Variants in SEMA5A observed in about 807,000 individuals in gnomAD.
SEMA5A encodes semaphorin-5A.
Under a neutral mutation model 135.5 loss-of-function variants are expected in SEMA5A, and 55 were observed. The ratio of observed to expected loss-of-function variants is 0.41; its 90% CI spans 0.33 to 0.51. The LOEUF (loss-of-function observed/expected upper bound fraction) is 0.51, where lower values mean the gene tolerates loss of function less well. Ranked by LOEUF, SEMA5A falls within the 20% of genes least tolerant of loss-of-function variation. The pLI is 0.37. For missense variants in SEMA5A, 1,290 were observed against 1,419.9 expected (o/e 0.91, Z 1.47); for synonymous variants, 580 against 546.5 (o/e 1.06, Z -0.85).
intron 4 of SEMA5A, among the ~76,000 whole-genome samples, chr5:9,326,148 T>C (rs1752862249): frequency 6.6e-6 from 1 of 152,194 alleles, no homozygotes; most frequent in South Asian, 2.1e-4. Flanking sequence ...GCAAGTTTCC[T>C]TCCATCCTCA....
rs1805932 is a variant in SEMA5A at position 9,380,682 on chromosome 5, T to C, written c.-77-659A>G. Among the ~76,000 whole-genome samples, 439 of 152,320 alleles carry C rather than the reference T, an allele frequency of 2.9e-3. 3 individuals carry two copies. Among genetic ancestry groups the C allele is most frequent in the African/African-American group, 1.0e-2 (414 of 41,566 alleles). On this transcript the variant is annotated intron_variant, in intron 2 of 22. Coordinates refer to ENST00000382496, the MANE Select transcript of SEMA5A (RefSeq NM_003966.3). ...CCTACTGGGTGAAATAAAAGTACTA[T>C]GCTTGGAAACTTTAAAGATTATGAA...
Position 9,134,414 on chromosome 5 carries a change from C to T in SEMA5A, c.1599+2090G>A, listed in dbSNP as rs150197613. 2.3e-3 allele frequency among the ~76,000 whole-genome samples: 348 copies of T among 152,312 alleles called. 3 individuals are homozygous for T. Among genetic ancestry groups the T allele is most frequent in the African/African-American group, 8.0e-3 (332 of 41,572 alleles). The stretch of plus-strand genomic sequence containing the variant: ...CCTCCTGTCTCAGCCTCCTAAAGTG[C>T]TGGGTTTACAGGCATGAGCCACTGT... On this transcript the variant is annotated intron_variant, in intron 13 of 22. Coordinates refer to ENST00000382496, the MANE Select transcript of SEMA5A (RefSeq NM_003966.3).
rs1462719013 is a variant in SEMA5A, at chr5:9,037,356, A to T, written c.*5541T>A. On this transcript the variant is annotated 3_prime_UTR_variant, in exon 23 of 23. Coordinates refer to ENST00000382496, the MANE Select transcript of SEMA5A (RefSeq NM_003966.3). ...GCTGTGTTTTGAGACAGCTTTCACT[A>T]GGAAGTATACATTTTGTGCCAGGCT... is the stretch of plus-strand genomic sequence containing the variant. The T allele has an allele frequency of 6.6e-6, 1 of 152,204 alleles. No homozygotes were observed. Among genetic ancestry groups the T allele is most frequent in the Non-Finnish European group, 1.5e-5 (1 of 68,038 alleles). 9.4% of individuals were successfully genotyped at this position (152,204 alleles called of 1,614,324 possible). A position where few individuals can be genotyped will look rare whatever the true frequency, so the allele number is the denominator to read the frequency against.
intron 9 of SEMA5A, among the ~76,000 whole-genome samples, chr5:9,198,023 C>A (rs1745512480): frequency 6.6e-6 from 1 of 152,072 alleles, no homozygotes; most frequent in Non-Finnish European, 1.5e-5. Flanking sequence ...TCAGTGCCCT[C>A]TGACTAAGTA....
chr5:9,436,191 GAC>G (rs1758023880), intron 2 of SEMA5A, among the ~76,000 whole-genome samples: 1 of 152,184 alleles, frequency 6.6e-6, no homozygotes, highest in Non-Finnish European at 1.5e-5. Context: ...CACAGGGCCT[GAC>G]ACACAATGAG....
intron 8 of SEMA5A, among the ~76,000 whole-genome samples, chr5:9,206,692 T>G (rs1398083389): frequency 6.6e-6 from 1 of 151,942 alleles, no homozygotes; most frequent in African/African-American, 2.4e-5. Context: ...GAATCCCAAC[T>G]CTACAAAAAT....
At chr5:9,320,752 T>C (rs1752594481) in intron 4 of SEMA5A, among the ~76,000 whole-genome samples, 1 of 151,968 alleles carries the variant, frequency 6.6e-6, no homozygotes, top group African/African-American at 2.4e-5. Flanking sequence ...GAGGAACAAA[T>C]GTGAACTTGG....
At chr5:9,232,053 A>G (rs902234654) in intron 6 of SEMA5A, among the ~76,000 whole-genome samples, 7 of 152,194 alleles carry the variant, frequency 4.6e-5, no homozygotes, top group Admixed American at 1.3e-4. Context: ...GACTCATAGA[A>G]AGGGCTTTTA....
chr5:9,055,619 A>G (rs1007968683), intron 18 of SEMA5A, among the ~76,000 whole-genome samples: 2 of 152,188 alleles, frequency 1.3e-5, no homozygotes, highest in African/African-American at 4.8e-5. Context: ...GAGCAAAAAT[A>G]TCATCTTTAT....
chr5:9,075,841 A>T (rs1294317598), intron 16 of SEMA5A, among the ~76,000 whole-genome samples: 1 of 152,194 alleles, frequency 6.6e-6, no homozygotes, highest in African/African-American at 2.4e-5. Context: ...ACCTCAATAG[A>T]GGTACAAAAC....
intron 11 of SEMA5A, among the ~76,000 whole-genome samples, chr5:9,181,549 C>T (rs1269811265): frequency 6.6e-6 from 1 of 152,122 alleles, no homozygotes; most frequent in Non-Finnish European, 1.5e-5. Context: ...AGCTCACACC[C>T]TCTCTTGGTT....
chr5:9,441,208 C>T (rs1156620711), intron 1 of SEMA5A, among the ~76,000 whole-genome samples: 2 of 152,076 alleles, frequency 1.3e-5, no homozygotes, highest in Admixed American at 6.6e-5. Flanking sequence ...CTATGTAGTT[C>T]AGTATATACT....
chr5:9,347,692 A>G (rs1366335953), intron 3 of SEMA5A, among the ~76,000 whole-genome samples: 2 of 152,236 alleles, frequency 1.3e-5, no homozygotes, highest in Non-Finnish European at 2.9e-5. Flanking sequence ...AGGGACCTGC[A>G]TGGAGAGGCA....
At chr5:9,530,760 A>G (rs886493105) in intron 1 of SEMA5A, among the ~76,000 whole-genome samples, 1 of 152,168 alleles carries the variant, frequency 6.6e-6, no homozygotes, top group Admixed American at 6.5e-5. Flanking sequence ...CCTTCTCCAG[A>G]GCTCAGAGGC....
rs1735656640 is a variant in SEMA5A at position 9,036,414 on chromosome 5, C to T, written c.*6483G>A. On this transcript the variant is annotated 3_prime_UTR_variant, in exon 23 of 23. Transcript: ENST00000382496. ...GTAGGTGGTTCTCATTCCATGCTCACTGTATCTATACCAGTTGTCACCAGC... is the reference window on the plus strand; with the variant it reads ...GTAGGTGGTTCTCATTCCATGCTCATTGTATCTATACCAGTTGTCACCAGC... The T allele has an allele frequency of 6.9e-6, 1 of 144,496 alleles. No individual in the cohort carries two copies. The highest frequency in any genetic ancestry group is 6.8e-5 in the Admixed American group (1 of 14,680). The allele number at this position is 144,496 out of a possible 1,614,324, so 9.0% of individuals were successfully genotyped here.
intron 5 of SEMA5A, among the ~76,000 whole-genome samples, chr5:9,317,253 T>A (rs1752433490): frequency 6.6e-6 from 1 of 152,198 alleles, no homozygotes; most frequent in Non-Finnish European, 1.5e-5. Context: ...TTATTTATTA[T>A]CATCACTTTA....
At chr5:9,531,758 C>T (rs974483095) in intron 1 of SEMA5A, among the ~76,000 whole-genome samples, 1 of 152,184 alleles carries the variant, frequency 6.6e-6, no homozygotes, top group Non-Finnish European at 1.5e-5. Context: ...TACACACTGT[C>T]TTCCCAGGGC....
In SEMA5A at chr5:9,190,396, T is replaced by A; in HGVS notation, c.1144A>T (p.Met382Leu). 1 of 1,613,954 alleles carries A rather than the reference T, an allele frequency of 6.2e-7. No homozygotes were observed. Among genetic ancestry groups the A allele is most frequent in the South Asian group, 1.1e-5 (1 of 91,064 alleles). Residue 382 changes from methionine (M) to leucine (L), a missense_variant, in exon 11 of 23, where the codon ATG (methionine) becomes TTG (leucine). By Grantham distance (15) the Met-to-Leu change is conservative. Transcript: ENST00000382496. ...GTCACTGGCTGTACCACCTCATGCA[T>A]CAGAATGAACTTCTGAGCATCCTGC... ...NLQDAQKFIL[M>L]HEVVQPVTTV... is the part of the protein sequence containing the mutation.
intron 5 of SEMA5A, among the ~76,000 whole-genome samples, chr5:9,250,005 A>G (rs186043776): frequency 3.3e-5 from 5 of 152,298 alleles, no homozygotes; most frequent in East Asian, 1.9e-4. Flanking sequence ...TTTATTTTTC[A>G]TGAGTTGAAG....
Sources: gnomAD v4.1 joint callset for allele counts (sites outside exome capture counted in the v4.1 genomes callset) on GRCh38, gnomAD v4.1.1 for gene constraint, MANE v1.5 for transcripts, NCBI Gene and HGNC (gene_info 2026-07-23, HGNC 2026-07-21) for gene names.